The following VPS13D variants were observed in gnomAD, a reference collection of about 807,000 sequenced individuals.
VPS13D encodes the protein intermembrane lipid transfer protein VPS13D.
VPS13D carries 187 observed loss-of-function variants against 461.9 expected under a neutral mutation model. That is an observed-to-expected ratio of 0.40 (90% CI 0.36 to 0.46). The LOEUF (loss-of-function observed/expected upper bound fraction) is 0.46. Ranked by LOEUF, VPS13D falls within the 20% of genes least tolerant of loss-of-function variation. The pLI is 0.60. For missense variants in VPS13D, 4,711 were observed against 5,364.9 expected (o/e 0.88, Z 3.81); for synonymous variants, 1,951 against 1,986.3 (o/e 0.98, Z 0.47).
At chr1:12,433,969 T>A (rs1028855078) in intron 65 of VPS13D, among the ~76,000 whole-genome samples, 3 of 146,616 alleles carry the variant, frequency 2.0e-5, no homozygotes, top group Admixed American at 7.4e-5. Context: ...TGTGTGTGTG[T>A]GGAGGAGGAG....
chr1:12,361,403 A>ATTTTTTTTT (rs1297978975), intron 50 of VPS13D, among the ~76,000 whole-genome samples: 3 of 134,004 alleles, frequency 2.2e-5, no homozygotes, highest in African/African-American at 8.5e-5. Context: ...TTATTTATTT[A>ATTTTTTTTT]TTTTTTTTTT....
At chr1:12,294,175 A>G (rs1276511382) in intron 24 of VPS13D, among the ~76,000 whole-genome samples, 1 of 152,276 alleles carries the variant, frequency 6.6e-6, no homozygotes, top group Non-Finnish European at 1.5e-5. Context: ...CATATGTCCT[A>G]ACAACTTAGT....
intron 58 of VPS13D, among the ~76,000 whole-genome samples, chr1:12,383,810 G>C (rs1192967610): frequency 6.6e-6 from 1 of 152,210 alleles, no homozygotes; most frequent in African/African-American, 2.4e-5. Context: ...TTACATTCTA[G>C]TGGGGATGGA....
intron 17 of VPS13D, among the ~76,000 whole-genome samples, chr1:12,272,535 G>T (rs912404025): frequency 6.6e-6 from 1 of 151,936 alleles, no homozygotes; most frequent in Non-Finnish European, 1.5e-5. Flanking sequence ...GCTGATTTTG[G>T]TTGGAGGGAA....
At chr1:12,348,453 C>T (rs574930520) in intron 44 of VPS13D, among the ~76,000 whole-genome samples, 2 of 152,270 alleles carry the variant, frequency 1.3e-5, no homozygotes, top group African/African-American at 4.8e-5. Flanking sequence ...GGATAATTTC[C>T]AGCAGATACT....
chr1:12,268,141 G>A (rs773280194), intron 15 of VPS13D, among the ~76,000 whole-genome samples: 4 of 151,522 alleles, frequency 2.6e-5, no homozygotes, highest in African/African-American at 7.3e-5. Flanking sequence ...GTAGAGATGG[G>A]GTTTTGCTTT....
chr1:12,424,492 A>G (rs976717209), intron 65 of VPS13D, among the ~76,000 whole-genome samples: 1 of 152,206 alleles, frequency 6.6e-6, no homozygotes, highest in Non-Finnish European at 1.5e-5. Context: ...GAGTGGTGTC[A>G]TGAGAACTGC....
At chr1:12,450,047 C>T (rs1383149848) in intron 65 of VPS13D, among the ~76,000 whole-genome samples, 1 of 152,046 alleles carries the variant, frequency 6.6e-6, no homozygotes, top group African/African-American at 2.4e-5. Flanking sequence ...CGCTTGAACC[C>T]AGGAGGTGGA....
At position 12,277,823 on chromosome 1, in the gene VPS13D, C is replaced by T. The variant is rs779510459; in HGVS notation, c.4235C>T (p.Ala1412Val). 17 of 1,613,792 alleles carry T rather than the reference C, an allele frequency of 1.1e-5. No individual in the cohort carries two copies. Among genetic ancestry groups the T allele is most frequent in the African/African-American group, 1.3e-5 (1 of 74,866 alleles). ...LGQIFIQNFV[A>V]GDDESRSDRL... The stretch of plus-strand genomic sequence containing the variant: ...CAGATATTCATCCAGAATTTTGTGG[C>T]GGGAGATGATGAATCCAGAAGTGAC... Residue 1412 changes from alanine to valine, a missense_variant, in exon 19 of 70, where the codon GCG (alanine) becomes GTG (valine). Coordinates refer to ENST00000620676, the MANE Select transcript of VPS13D (RefSeq NM_015378.4).
At chr1:12,406,904 G>A (rs1196350193) in intron 63 of VPS13D, among the ~76,000 whole-genome samples, 1 of 152,128 alleles carries the variant, frequency 6.6e-6, no homozygotes, top group East Asian at 1.9e-4. Context: ...GAGCAATCTA[G>A]TTTGGAAGAA....
chr1:12,230,684 C>T (rs2101160092), intron 1 of VPS13D, among the ~76,000 whole-genome samples: 1 of 152,210 alleles, frequency 6.6e-6, no homozygotes, highest in Admixed American at 6.5e-5. Context: ...TAAAACCTCT[C>T]TTTACCTTTT....
chr1:12,341,580 G>A (rs1643568532), intron 40 of VPS13D, among the ~76,000 whole-genome samples, 200 bp from the exon 41 acceptor site: 1 of 152,166 alleles, frequency 6.6e-6, no homozygotes, highest in East Asian at 1.9e-4. Flanking sequence ...TGGGGGCTGG[G>A]AATAGTCAGG....
chr1:12,360,945 T>A (rs1437541857), intron 50 of VPS13D, among the ~76,000 whole-genome samples: 1 of 152,222 alleles, frequency 6.6e-6, no homozygotes, highest in Non-Finnish European at 1.5e-5. Flanking sequence ...GACTGCTGAA[T>A]GGAGTGCAGT....
chr1:12,498,243 A>G (rs1043353857), intron 68 of VPS13D, among the ~76,000 whole-genome samples: 1 of 152,216 alleles, frequency 6.6e-6, no homozygotes, highest in Non-Finnish European at 1.5e-5. Flanking sequence ...TAGAACCACC[A>G]GCCCACAGAA....
intron 65 of VPS13D, among the ~76,000 whole-genome samples, chr1:12,428,874 T>C (rs1218722810): frequency 2.0e-5 from 3 of 152,220 alleles, no homozygotes; most frequent in Non-Finnish European, 4.4e-5. Context: ...GTGGAACAGG[T>C]AAGGCAGAGA....
At chr1:12,266,842 C>G in intron 13 of VPS13D, 39 bp from the exon 14 acceptor site, 1 of 1,469,870 alleles carries the variant, frequency 6.8e-7, no homozygotes, top group South Asian at 1.4e-5. Context: ...ATTAGGCTCT[C>G]ATAAGCATTG....
chr1:12,413,783 T>C (rs1644761489), intron 63 of VPS13D, among the ~76,000 whole-genome samples: 1 of 152,038 alleles, frequency 6.6e-6, no homozygotes, highest in Non-Finnish European at 1.5e-5. Context: ...GAATATCTTT[T>C]TTTTTTTTTT....
intron 65 of VPS13D, among the ~76,000 whole-genome samples, chr1:12,438,811 C>T (rs1241719200): frequency 6.6e-6 from 1 of 152,222 alleles, no homozygotes; most frequent in Non-Finnish European, 1.5e-5. Flanking sequence ...ATTTGATCCT[C>T]TCCTGTGTGC....
chr1:12,294,405 C>G (rs1642217176), intron 24 of VPS13D, among the ~76,000 whole-genome samples: 1 of 152,154 alleles, frequency 6.6e-6, no homozygotes, highest in Non-Finnish European at 1.5e-5. Context: ...CCCAGCTTCG[C>G]AAAGATAATA....
Sources: gnomAD v4.1 joint callset for allele counts (sites outside exome capture counted in the v4.1 genomes callset) on GRCh38, gnomAD v4.1.1 for gene constraint, MANE v1.5 for transcripts, NCBI Gene and HGNC (gene_info 2026-07-23, HGNC 2026-07-21) for gene names.